SYN2: variants seen among roughly 807,000 people sequenced by gnomAD.
SYN2 encodes the protein synapsin-2.
A neutral mutation model predicts 50.9 loss-of-function variants in SYN2; 19 were observed. That is an observed-to-expected ratio of 0.37 (90% CI 0.26 to 0.55). The LOEUF (loss-of-function observed/expected upper bound fraction) is 0.55. Among genes scored for constraint, SYN2 ranks in the 20% least tolerant of loss-of-function variants. SYN2 has a pLI of 0.81. For missense variants in SYN2, 587 were observed against 576.4 expected (o/e 1.02, Z -0.19); for synonymous variants, 255 against 224.9 (o/e 1.13, Z -1.20).
At chr3:12,033,456 G>T (rs1326954205) in intron 1 of SYN2, among the ~76,000 whole-genome samples, 1 of 152,164 alleles carries the variant, frequency 6.6e-6, no homozygotes, top group Non-Finnish European at 1.5e-5. Flanking sequence ...TTCCAGGTGT[G>T]AGGCAGACTA....
intron 1 of SYN2, among the ~76,000 whole-genome samples, chr3:12,096,101 T>C (rs1695927399): frequency 6.6e-6 from 1 of 152,216 alleles, no homozygotes; most frequent in Non-Finnish European, 1.5e-5. Context: ...GACATCTAAC[T>C]TGACACTATG....
At chr3:12,153,154 CAT>C (rs1320883060) in intron 5 of SYN2, 6 of 349,292 alleles carry the variant, frequency 1.7e-5, no homozygotes, top group South Asian at 5.9e-5. Flanking sequence ...TATACCATCT[CAT>C]GTGTATGACA....
At chr3:12,023,274 A>G (rs1694183832) in intron 1 of SYN2, among the ~76,000 whole-genome samples, 1 of 151,948 alleles carries the variant, frequency 6.6e-6, no homozygotes. Flanking sequence ...TCTTTTTATT[A>G]TTTTTTCAGG....
chr3:12,052,462 A>G (rs150773417), intron 1 of SYN2, among the ~76,000 whole-genome samples: 163 of 152,338 alleles, frequency 1.1e-3, no homozygotes, highest in African/African-American at 1.6e-3. Flanking sequence ...ATTGTTGGCT[A>G]TACTTTCAAG....
At chr3:12,158,694 G>C in intron 5 of SYN2, 1 of 1,609,918 alleles carries the variant, frequency 6.2e-7, no homozygotes, top group Non-Finnish European at 8.5e-7. Flanking sequence ...CGCGGACCTC[G>C]GACTCACCAA....
intron 5 of SYN2, chr3:12,159,027 C>A (rs1418383305): frequency 1.3e-6 from 1 of 748,070 alleles, no homozygotes; most frequent in East Asian, 3.1e-5. Context: ...ACCCGAGGCT[C>A]TTCCGACCTG....
intron 1 of SYN2, among the ~76,000 whole-genome samples, chr3:12,048,400 T>C (rs1366217432): frequency 6.6e-6 from 1 of 152,192 alleles, no homozygotes; most frequent in Non-Finnish European, 1.5e-5. Context: ...ACTCGTGAGC[T>C]CAAGTGATCC....
chr3:12,181,710 G>T (rs1698225119), intron 10 of SYN2, among the ~76,000 whole-genome samples: 1 of 152,196 alleles, frequency 6.6e-6, no homozygotes, highest in Non-Finnish European at 1.5e-5. Context: ...AGAGAAGATA[G>T]ATTGGAAAGA....
intron 1 of SYN2, among the ~76,000 whole-genome samples, chr3:12,104,981 A>T (rs1696154951): frequency 6.6e-6 from 1 of 152,222 alleles, no homozygotes; most frequent in Admixed American, 6.5e-5. Context: ...CTTGAGCATT[A>T]GTAGCGCTAA....
chr3:12,169,772 A>C lies in SYN2; in HGVS notation c.1174A>C (p.Met392Leu). ...DYIFEVMDCS[M>L]PLIGEHQVED... ...CTCCCACCAGGTCATGGACTGTAGC[A>C]TGCCACTGATTGGGGAACATCAGGT... is the stretch of plus-strand genomic sequence containing the variant. Residue 392 changes from methionine (M) to leucine (L), a missense_variant, in exon 10 of 13, where the codon ATG becomes CTG. By Grantham distance (15) the Met-to-Leu change is conservative. Coordinates refer to ENST00000621198, the MANE Select transcript of SYN2 (RefSeq NM_133625.6). The C allele has an allele frequency of 6.2e-7, 1 of 1,613,946 alleles. No individual in the cohort carries two copies. Among genetic ancestry groups the C allele is most frequent in the Middle Eastern group, 1.6e-4 (1 of 6,062 alleles).
chr3:12,184,703 A>G (rs1698303042), intron 11 of SYN2: 1 of 985,884 alleles, frequency 1.0e-6, no homozygotes, highest in Non-Finnish European at 1.2e-6. Context: ...AATCCTCACC[A>G]GTTTGTTCTC....
chr3:12,085,722 A>G (rs575182673), intron 1 of SYN2, among the ~76,000 whole-genome samples: 8 of 152,340 alleles, frequency 5.3e-5, no homozygotes, highest in Non-Finnish European at 1.0e-4. Flanking sequence ...AAATGGAAAC[A>G]CAGCATACCA....
chr3:12,071,033 TC>T lies in SYN2; in HGVS notation c.377+66107del. ...CTGGAGGCGCTGTTATAGCTTTCCT[TC>T]CTGGGCATGGAATCTTGTGGCATCC... On this transcript the variant is annotated intron_variant, in intron 1 of 12. Transcript: ENST00000621198. The T allele has an allele frequency of 1.4e-5, 8 of 559,042 alleles. 1 individual carries two copies. The highest frequency in any genetic ancestry group is 9.7e-5 in the South Asian group (7 of 71,968). The allele number at this position is 559,042 out of a possible 1,614,324, so 34.6% of individuals were successfully genotyped here. A position where few individuals can be genotyped will look rare whatever the true frequency, so the allele number is the denominator to read the frequency against.
At chr3:12,115,699 T>C (rs1574948868) in intron 1 of SYN2, among the ~76,000 whole-genome samples, 1 of 152,288 alleles carries the variant, frequency 6.6e-6, no homozygotes, top group East Asian at 1.9e-4. Context: ...TCTTTGATTT[T>C]TGCCTCCCTA....
chr3:12,084,685 ATAT>A (rs1695654180), intron 1 of SYN2, among the ~76,000 whole-genome samples: 1 of 152,228 alleles, frequency 6.6e-6, no homozygotes, highest in Non-Finnish European at 1.5e-5. Context: ...GAAGGTTGAA[ATAT>A]TATATAGCTG....
intron 7 of SYN2, 60 bp from the exon 8 acceptor site, chr3:12,167,174 T>C: frequency 6.4e-7 from 1 of 1,552,830 alleles, no homozygotes; most frequent in Non-Finnish European, 8.8e-7. Flanking sequence ...GAAAGTTGCA[T>C]GCCCTCCTCT....
chr3:12,072,595 A>T (rs1695381399), intron 1 of SYN2, among the ~76,000 whole-genome samples: 2 of 152,076 alleles, frequency 1.3e-5, no homozygotes, highest in Non-Finnish European at 2.9e-5. Context: ...TTCTCCATTG[A>T]CTTGTCTTGG....
In SYN2 at chr3:12,187,472, T is replaced by C. The variant is rs368520291; in HGVS notation, c.1473T>C (p.Ser491=). 4.5e-5 allele frequency: 63 copies of C among 1,401,726 alleles called. No individual in the cohort carries two copies. In the Admixed American group the frequency reaches 5.2e-4, roughly 11 times the overall value. 86.8% of individuals were successfully genotyped at this position (1,401,726 alleles called of 1,614,324 possible). ...PSLPPSSSSS[S]SSSSSAPQRP... is the part of the protein sequence containing the mutation. ...TGCCACCTTCCTCCTCTTCCTCCTC[T>C]TCTTCCTCCTCCTCGGCTCCTCAGC... Residue 491 remains serine (S), a synonymous_variant, in exon 12 of 13, where the codon TCT becomes TCC. Transcript: ENST00000621198.
chr3:12,106,902 G>T (rs558630291), intron 1 of SYN2, among the ~76,000 whole-genome samples: 20 of 152,038 alleles, frequency 1.3e-4, no homozygotes, highest in African/African-American at 4.6e-4. Flanking sequence ...GGAATTTTGC[G>T]AATTGCTGAT....
Sources: gnomAD v4.1 joint callset for allele counts (sites outside exome capture counted in the v4.1 genomes callset) on GRCh38, gnomAD v4.1.1 for gene constraint, MANE v1.5 for transcripts, NCBI Gene and HGNC (gene_info 2026-07-23, HGNC 2026-07-21) for gene names.